CCDC192: variants seen among roughly 807,000 people sequenced by gnomAD.
CCDC192 encodes the protein coiled-coil domain-containing protein 192.
chr5:127,780,985 C>G (rs369640760), intron 3 of CCDC192, among the ~76,000 whole-genome samples: 1 of 152,146 alleles, frequency 6.6e-6, no homozygotes, highest in Non-Finnish European at 1.5e-5. Flanking sequence ...AATCCTTAAT[C>G]CATCTTGAGT....
At chr5:127,885,465 G>C (rs1217882675) in intron 6 of CCDC192, among the ~76,000 whole-genome samples, 1 of 152,206 alleles carries the variant, frequency 6.6e-6, no homozygotes, top group Admixed American at 6.5e-5. Context: ...GTCAGTAGTG[G>C]AGCAGCTGTC....
intron 5 of CCDC192, among the ~76,000 whole-genome samples, chr5:127,824,156 A>G (rs1197867438): frequency 6.6e-6 from 1 of 152,228 alleles, no homozygotes; most frequent in Non-Finnish European, 1.5e-5. Context: ...AGGTTAAAAG[A>G]TGTGCTTCCC....
intron 3 of CCDC192, among the ~76,000 whole-genome samples, chr5:127,780,506 A>G (rs1422112197): frequency 2.6e-5 from 4 of 152,128 alleles, no homozygotes; most frequent in Admixed American, 1.3e-4. Flanking sequence ...TTTTTTGATT[A>G]TGGCAATTCT....
rs1416102696 is a variant in CCDC192, at chr5:127,836,785, G to A, written c.411+38623G>A. On this transcript the variant is annotated intron_variant, in intron 5 of 6. Transcript: ENST00000514853. ...CTGCATAGAGCAGCAGAGGGCCCCT[G>A]GACCAGGCCCACAAAACCAGTTTTC... Among the ~76,000 whole-genome samples the A allele has an allele frequency of 2.5e-5, 2 of 80,608 alleles. 1 individual carries two copies. Among genetic ancestry groups the A allele is most frequent in the African/African-American group, 8.3e-5 (2 of 24,232 alleles). 52.9% of individuals were successfully genotyped at this position (80,608 alleles called of 152,430 possible).
At chr5:127,811,867 T>A (rs1026479260) in intron 5 of CCDC192, among the ~76,000 whole-genome samples, 1 of 152,186 alleles carries the variant, frequency 6.6e-6, no homozygotes, top group Non-Finnish European at 1.5e-5. Flanking sequence ...CCTCACACTA[T>A]ACACACCCTC....
intron 3 of CCDC192, among the ~76,000 whole-genome samples, chr5:127,756,821 A>T (rs1400728928): frequency 6.6e-6 from 1 of 152,240 alleles, no homozygotes; most frequent in East Asian, 1.9e-4. Flanking sequence ...TATGCCCAGG[A>T]ATGAACAAGG....
At chr5:127,730,206 C>T (rs1316464257) in intron 2 of CCDC192, among the ~76,000 whole-genome samples, 1 of 152,132 alleles carries the variant, frequency 6.6e-6, no homozygotes, top group East Asian at 1.9e-4. Context: ...ACTGACCCCA[C>T]AGAATATACA....
chr5:127,790,009 G>T (rs1756773580), intron 3 of CCDC192, among the ~76,000 whole-genome samples: 1 of 152,146 alleles, frequency 6.6e-6, no homozygotes, highest in African/African-American at 2.4e-5. Context: ...AGAGCCTTTG[G>T]GCATAACCCC....
chr5:127,738,155 G>C (rs1357265434), intron 2 of CCDC192, among the ~76,000 whole-genome samples: 5 of 151,738 alleles, frequency 3.3e-5, no homozygotes, highest in Admixed American at 6.6e-5. Flanking sequence ...GCATTTGCTT[G>C]TCTGTAAAGT....
chr5:127,742,228 T>C (rs973085740), intron 2 of CCDC192, among the ~76,000 whole-genome samples: 1 of 152,202 alleles, frequency 6.6e-6, no homozygotes, highest in Admixed American at 6.5e-5. Context: ...TTATTTAAAG[T>C]TATTTATGAA....
At chr5:127,912,418 G>GTAAAAAAAAAA (rs1753395813) in intron 6 of CCDC192, among the ~76,000 whole-genome samples, 1 of 14,502 alleles carries the variant, frequency 6.9e-5, no homozygotes, top group Non-Finnish European at 1.3e-4. Flanking sequence ...CCTGGGTTTA[G>GTAAAAAAAAAA]CAAAAAAAAA....
chr5:127,742,288 C>G (rs986111764), intron 2 of CCDC192, among the ~76,000 whole-genome samples: 5 of 152,106 alleles, frequency 3.3e-5, no homozygotes, highest in African/African-American at 1.2e-4. Flanking sequence ...TGCCAACAAC[C>G]TTTTTATAAA....
chr5:127,845,113 A>G (rs1044170253), intron 5 of CCDC192, among the ~76,000 whole-genome samples: 2 of 152,226 alleles, frequency 1.3e-5, no homozygotes, highest in Non-Finnish European at 2.9e-5. Flanking sequence ...GAATAAAACT[A>G]GTAAATACCA....
intron 6 of CCDC192, among the ~76,000 whole-genome samples, chr5:127,936,297 A>G (rs936133750): frequency 3.3e-5 from 5 of 152,230 alleles, no homozygotes; most frequent in Non-Finnish European, 7.3e-5. Flanking sequence ...TAACTTTCAC[A>G]TGTCACTTTT....
chr5:127,934,593 T>C (rs1171639324), intron 6 of CCDC192, among the ~76,000 whole-genome samples: 1 of 152,064 alleles, frequency 6.6e-6, no homozygotes, highest in Non-Finnish European at 1.5e-5. Flanking sequence ...GGAGGACAGA[T>C]GAAACTTCAA....
chr5:127,819,190 C>G (rs1749172363), intron 5 of CCDC192, among the ~76,000 whole-genome samples: 1 of 152,098 alleles, frequency 6.6e-6, no homozygotes, highest in Non-Finnish European at 1.5e-5. Context: ...ATTAAGCCAC[C>G]ATTGAAAGCA....
intron 3 of CCDC192, among the ~76,000 whole-genome samples, chr5:127,761,489 G>A (rs1754926223): frequency 6.6e-6 from 1 of 152,128 alleles, no homozygotes; most frequent in African/African-American, 2.4e-5. Context: ...GAATAACCTT[G>A]TGGGCCCTTG....
intron 6 of CCDC192, among the ~76,000 whole-genome samples, chr5:127,892,743 G>A (rs2127157414): frequency 6.6e-6 from 1 of 152,266 alleles, no homozygotes; most frequent in East Asian, 1.9e-4. Flanking sequence ...TCAGAAATCT[G>A]TGTTATAGTT....
chr5:127,725,222 ATT>A (rs907985785), intron 2 of CCDC192, among the ~76,000 whole-genome samples: 1 of 152,116 alleles, frequency 6.6e-6, no homozygotes, highest in African/African-American at 2.4e-5. Flanking sequence ...TATTTTCTTT[ATT>A]TTCCATAGAG....
Sources: allele counts gnomAD v4.1 joint callset (sites outside exome capture counted in the v4.1 genomes callset), GRCh38; gene constraint gnomAD v4.1.1; transcripts MANE v1.5; gene names NCBI Gene and HGNC (gene_info 2026-07-23, HGNC 2026-07-21).